PCOLCE2: variants seen among roughly 807,000 people sequenced by gnomAD.
The protein encoded by PCOLCE2 is procollagen C-proteinase enhancer 2.
Under a neutral mutation model 47.0 loss-of-function variants are expected in PCOLCE2, and 42 were observed. The ratio of observed to expected loss-of-function variants is 0.89; its 90% confidence interval spans 0.70 to 1.16. PCOLCE2 has a LOEUF of 1.16. PCOLCE2 is among the 50% of genes most tolerant of loss of function. The pLI is 0.00. For synonymous variants in PCOLCE2, 169 were observed against 191.7 expected, an observed-to-expected ratio of 0.88 and a Z score of 0.98; for missense variants, 500 against 526.1, an observed-to-expected ratio of 0.95 and a Z score of 0.49.
At position 142,844,439 on chromosome 3, in the gene PCOLCE2, T is replaced by C. The variant is rs560925557; in HGVS notation, c.449-1391A>G. On this transcript the variant is annotated intron_variant, in intron 3 of 8. Transcript: ENST00000295992. Reference sequence around the variant, plus strand: ...TATAAATACCCAGGACTGCAACTGCTGGGCCAAGAGTCGATGTAAATATTT... The same window carrying C: ...TATAAATACCCAGGACTGCAACTGCCGGGCCAAGAGTCGATGTAAATATTT... 1.3e-4 allele frequency among the ~76,000 whole-genome samples: 20 copies of C among 152,368 alleles called. No homozygotes were observed. The East Asian group carries it at 3.8e-3, about 29-fold the overall frequency.
intron 2 of PCOLCE2, among the ~76,000 whole-genome samples, chr3:142,857,917 T>A (rs1484726007): frequency 6.6e-6 from 1 of 152,184 alleles, no homozygotes; most frequent in Non-Finnish European, 1.5e-5. Context: ...CAGCCATTTG[T>A]GTCTTGGGTA....
intron 6 of PCOLCE2, chr3:142,827,261 G>T: frequency 1.6e-6 from 2 of 1,245,400 alleles, no homozygotes; most frequent in South Asian, 1.2e-5. Flanking sequence ...AGGGTTCATG[G>T]CCACATCCCA....
At chr3:142,882,924 G>A (rs569761481) in intron 2 of PCOLCE2, among the ~76,000 whole-genome samples, 53 of 152,090 alleles carry the variant, frequency 3.5e-4, no homozygotes, top group Admixed American at 1.0e-3. Context: ...TTTTAGGCAG[G>A]GCGCAGTAGC....
At chr3:142,827,303 T>C in intron 6 of PCOLCE2, 1 of 1,341,112 alleles carries the variant, frequency 7.5e-7, no homozygotes, top group Non-Finnish European at 1.1e-6. Context: ...CTTTGCCTTA[T>C]ATTTGTGGTA....
chr3:142,874,654 G>T (rs1331858628), intron 2 of PCOLCE2, among the ~76,000 whole-genome samples: 4 of 152,048 alleles, frequency 2.6e-5, no homozygotes, highest in Non-Finnish European at 5.9e-5. Context: ...ATGCTGTTCT[G>T]CCCAGAAGCA....
At chr3:142,857,986 G>A (rs1034624890) in intron 2 of PCOLCE2, among the ~76,000 whole-genome samples, 2 of 152,126 alleles carry the variant, frequency 1.3e-5, no homozygotes, top group African/African-American at 2.4e-5. Context: ...CTGTGAGGTC[G>A]TATGTAAATT....
In PCOLCE2 at chr3:142,888,831, C is replaced by T; in HGVS notation, c.66G>A (p.Arg22=). The change falls in exon 1 of 9, where the codon CGG becomes CGA. Residue 22 remains arginine (R), a synonymous_variant. Transcript: ENST00000295992. Reference sequence around the variant, plus strand: ...CGCGTTACCTCTCTGGGGACTGCTGCCGCGAGAGCTGGGTGGCGGCAGCCA... The same window carrying T: ...CGCGTTACCTCTCTGGGGACTGCTGTCGCGAGAGCTGGGTGGCGGCAGCCA... ...LLLAAATQLS[R]QQSPERPVFT... is the part of the protein sequence containing the mutation. The T allele has an allele frequency of 1.9e-6, 3 of 1,543,166 alleles. No individual in the cohort carries two copies. Among genetic ancestry groups the T allele is most frequent in the East Asian group, 2.6e-5 (1 of 38,322 alleles).
intron 2 of PCOLCE2, among the ~76,000 whole-genome samples, chr3:142,851,653 A>C (rs184462052): frequency 1.3e-5 from 2 of 152,292 alleles, no homozygotes; most frequent in East Asian, 1.9e-4. Flanking sequence ...AGACCTGAGA[A>C]GATCACCCAT....
Position 142,818,445 on chromosome 3 carries a change from C to T in PCOLCE2, c.1138G>A (p.Gly380Ser). 3 of 1,611,844 alleles carry T rather than the reference C, an allele frequency of 1.9e-6. No individual in the cohort carries two copies. The highest frequency in any genetic ancestry group is 2.5e-6 in the Non-Finnish European group (3 of 1,178,256). The change falls in exon 9 of 9, where the codon GGC becomes AGC. Residue 380 changes from glycine (G) to serine (S), a missense_variant. By Grantham distance (56) the Gly-to-Ser change is moderately conservative. Coordinates refer to ENST00000295992, the MANE Select transcript of PCOLCE2 (RefSeq NM_013363.4). ...LRRGLNYIIM[G>S]QVGEDGRGKI... ...CCTCGCCCATCTTCACCTACTTGGC[C>T]CATAATAATGTAATTTAGACCTAAA...
chr3:142,860,981 C>A (rs1933171739), intron 2 of PCOLCE2, among the ~76,000 whole-genome samples: 2 of 152,166 alleles, frequency 1.3e-5, no homozygotes, highest in Admixed American at 1.3e-4. Flanking sequence ...TTGTTTTATT[C>A]CCTCATTTTT....
In PCOLCE2 at chr3:142,823,571, T is replaced by C; in HGVS notation, c.910A>G (p.Thr304Ala). The C allele has an allele frequency of 6.2e-7, 1 of 1,611,652 alleles. No homozygotes were observed. Among genetic ancestry groups the C allele is most frequent in the Non-Finnish European group, 8.5e-7 (1 of 1,177,926 alleles). The change falls in exon 7 of 9, where the codon ACG becomes GCG. Residue 304 changes from threonine (T) to alanine (A), a missense_variant. By Grantham distance (58) the Thr-to-Ala change is moderately conservative. Coordinates refer to ENST00000295992, the MANE Select transcript of PCOLCE2 (RefSeq NM_013363.4). ...CAATAATTGCCCTCCAGAGTCCCCG[T>C]CCGTCTACACTTTTGTTGACACAAG... Reference protein sequence around the residue: ...VALCQQKCRRTGTLEGNYCSS... With the variant: ...VALCQQKCRRAGTLEGNYCSS...
chr3:142,834,657 T>G (rs1937183539), intron 5 of PCOLCE2, among the ~76,000 whole-genome samples: 1 of 152,224 alleles, frequency 6.6e-6, no homozygotes, highest in African/African-American at 2.4e-5. Flanking sequence ...AGTTTCTAAA[T>G]TCAAACCAAC....
Position 142,888,902 on chromosome 3 carries a change from C to T in PCOLCE2, c.-6G>A. 2 of 1,465,658 alleles carry T rather than the reference C, an allele frequency of 1.4e-6. No homozygotes were observed. The highest frequency in any genetic ancestry group is 1.8e-6 in the Non-Finnish European group (2 of 1,108,680). 90.8% of individuals were successfully genotyped at this position (1,465,658 alleles called of 1,614,324 possible). A position where few individuals can be genotyped will look rare whatever the true frequency, so the allele number is the denominator to read the frequency against. ...CAGGCGTTCGCGCCCCTCATGGCAG[C>T]GTAGACGCTCGGGGTTTGCACCCCA... On this transcript the variant is annotated 5_prime_UTR_variant, in exon 1 of 9. Transcript: ENST00000295992.
chr3:142,839,183 CA>C (rs1937237720), intron 4 of PCOLCE2, among the ~76,000 whole-genome samples: 1 of 152,132 alleles, frequency 6.6e-6, no homozygotes, highest in Non-Finnish European at 1.5e-5. Context: ...CTTACAGCTA[CA>C]AAAGTATGGG....
intron 2 of PCOLCE2, among the ~76,000 whole-genome samples, chr3:142,852,350 A>G (rs1392836249): frequency 1.3e-5 from 2 of 152,182 alleles, no homozygotes; most frequent in African/African-American, 4.8e-5. Context: ...TGGCCTTTCC[A>G]CTTGGAGAAT....
At chr3:142,854,329 AGTTGATCTACGTAAAGCTCGAGGTG>A (rs11272187) in intron 2 of PCOLCE2, among the ~76,000 whole-genome samples, 92,576 of 151,902 alleles carry the variant, frequency 0.61, 28,655 homozygotes, top group Non-Finnish European at 0.66. Flanking sequence ...CTCGAGGCAC[AGTTGATCTACGTAAAGCTCGAGGTG>A]ACCACTCAGT....
chr3:142,849,822 T>C (rs888930446), intron 2 of PCOLCE2, among the ~76,000 whole-genome samples: 1 of 152,196 alleles, frequency 6.6e-6, no homozygotes, highest in African/African-American at 2.4e-5. Context: ...TATTTCAGAC[T>C]CAAGGGTCAA....
chr3:142,826,966 C>T (rs1288920057), intron 6 of PCOLCE2: 16 of 526,282 alleles, frequency 3.0e-5, no homozygotes, highest in East Asian at 2.5e-4. Context: ...TTAATCTCCG[C>T]GCCTCTCCTC....
intron 8 of PCOLCE2, among the ~76,000 whole-genome samples, chr3:142,818,992 G>A (rs191774844): frequency 1.3e-5 from 2 of 152,310 alleles, no homozygotes; most frequent in Admixed American, 1.3e-4. Flanking sequence ...TGGCTTCTCA[G>A]TCCCATCATG....
Sources: gnomAD v4.1 joint callset for allele counts (sites outside exome capture counted in the v4.1 genomes callset) on GRCh38, gnomAD v4.1.1 for gene constraint, MANE v1.5 for transcripts, NCBI Gene and HGNC (gene_info 2026-07-23, HGNC 2026-07-21) for gene names.